The following WDR59 variants were observed in gnomAD, a reference collection of about 807,000 sequenced individuals.
WDR59 encodes the protein WD repeat domain 59.
A neutral mutation model predicts 131.2 loss-of-function variants in WDR59; 100 were observed. The observed-to-expected ratio is 0.76, with a 90% CI of 0.65 to 0.90. The LOEUF (loss-of-function observed/expected upper bound fraction) is 0.90. WDR59 is among the 40% of genes least tolerant of loss of function. The pLI, the probability that WDR59 is intolerant of heterozygous loss-of-function variation, is 0.00. For synonymous variants in WDR59, 601 were observed against 466.2 expected (o/e 1.29, Z -3.72); for missense variants, 1,203 against 1,262.2 (o/e 0.95, Z 0.71).
chr16:74,915,665 C>G, intron 13 of WDR59: 1 of 544,278 alleles, frequency 1.8e-6, no homozygotes, highest in East Asian at 3.6e-5. Flanking sequence ...TTCAAGTGAT[C>G]TGTCCACCTC....
chr16:74,984,714 T>C (rs2034555303), intron 1 of WDR59: 2 of 547,490 alleles, frequency 3.7e-6, no homozygotes, highest in African/African-American at 3.8e-5. Flanking sequence ...TCTGCCTCAG[T>C]GTCACAAGGC....
rs540464194 is a variant in WDR59 at position 74,947,863 on chromosome 16, G to A, written c.445+656C>T. Among the ~76,000 whole-genome samples, 4 of 152,270 alleles carry A rather than the reference G, an allele frequency of 2.6e-5. No homozygotes were observed. In the South Asian group the frequency reaches 8.3e-4, roughly 32 times the overall value. ...AGGCAGGAAGATCACTTGAGGTTAGGAGTTCAAGACCAGCCTGGCCAATAC... is the reference window on the plus strand; with the variant it reads ...AGGCAGGAAGATCACTTGAGGTTAGAAGTTCAAGACCAGCCTGGCCAATAC... On this transcript the variant is annotated intron_variant, in intron 6 of 25. Transcript: ENST00000262144.
intron 2 of WDR59, 85 bp from the exon 3 acceptor site, chr16:74,956,695 C>G: frequency 6.5e-7 from 1 of 1,526,836 alleles, no homozygotes; most frequent in Non-Finnish European, 8.9e-7. Flanking sequence ...GAATTGCATA[C>G]AATTTGCAAG....
At chr16:74,964,270 T>C (rs1031194864) in intron 2 of WDR59, among the ~76,000 whole-genome samples, 1 of 150,950 alleles carries the variant, frequency 6.6e-6, no homozygotes, top group African/African-American at 2.4e-5. Context: ...TCCCAGGTAC[T>C]CGGGAGGCTG....
chr16:74,922,089 T>A lies in WDR59; in HGVS notation c.744A>T (p.Gly248=). The stretch of plus-strand genomic sequence containing the variant: ...GCTGGGGAACCATCACAGTCACCAA[T>A]CCATTGCTGAAAGGCTAAGGCAGGG... ...WKARYTPFSN[G]LVTVMVPQLR... is the part of the protein sequence containing the mutation. Residue 248 remains glycine, a synonymous_variant, in exon 10 of 26, where the codon GGA becomes GGT. Transcript: ENST00000262144. 8 of 1,614,042 alleles carry A rather than the reference T, an allele frequency of 5.0e-6. No homozygotes were observed. Among genetic ancestry groups the A allele is most frequent in the Non-Finnish European group, 6.8e-6 (8 of 1,179,986 alleles).
chr16:74,949,884 G>A, intron 4 of WDR59, 86 bp from the exon 5 acceptor site: 5 of 1,208,852 alleles, frequency 4.1e-6, no homozygotes, highest in Non-Finnish European at 6.0e-6. Context: ...AGTCTCCAGT[G>A]GCTTCAGAAT....
chr16:74,888,265 G>T lies in WDR59; in HGVS notation c.2250C>A (p.Ser750Arg). The stretch of plus-strand genomic sequence containing the variant: ...GAGGCCGAGACTGGGCTTCAAACAC[G>T]CTACAGAGCATCGCCAGTGTCTGAA... ...RDVQTLAMLC[S>R]VFEAQSRPQG... Residue 750 changes from serine (S) to arginine (R), a missense_variant, in exon 22 of 26, where the codon AGC becomes AGA. By Grantham distance (110) the Ser-to-Arg change is moderately radical (BLOSUM62 -1). Transcript: ENST00000262144. 6.2e-7 allele frequency: 1 copy of T among 1,614,024 alleles called. No homozygotes were observed. The highest frequency in any genetic ancestry group is 8.5e-7 in the Non-Finnish European group (1 of 1,179,936).
At chr16:74,953,784 G>A (rs574259665) in intron 3 of WDR59, among the ~76,000 whole-genome samples, 1 of 151,282 alleles carries the variant, frequency 6.6e-6, no homozygotes, top group Middle Eastern at 3.6e-3. Context: ...GGCGGATCAT[G>A]AGGTGAGGAG....
chr16:74,934,857 T>C (rs376608043), intron 8 of WDR59, among the ~76,000 whole-genome samples: 48 of 150,194 alleles, frequency 3.2e-4, no homozygotes, highest in African/African-American at 1.1e-3. Context: ...AGAAGAGCCT[T>C]GGTCAAAAAA....
At position 74,947,754 on chromosome 16, in the gene WDR59, T is replaced by C. The variant is rs150716944; in HGVS notation, c.445+765A>G. Among the ~76,000 whole-genome samples the C allele has an allele frequency of 6.9e-4, 105 of 152,200 alleles. No individual in the cohort carries two copies. The East Asian group carries it at 0.018, about 26-fold the overall frequency. On this transcript the variant is annotated intron_variant, in intron 6 of 25. Transcript: ENST00000262144. ...TACACTGAAATACTTGTTGAAGAAA[T>C]GATAAGATATGTAGCTTCAAAATAA...
rs116306724 is a variant in WDR59, at chr16:74,917,239, G to C, written c.966+690C>G. On this transcript the variant is annotated intron_variant, in intron 11 of 25. Coordinates refer to ENST00000262144, the MANE Select transcript of WDR59 (RefSeq NM_030581.4). ...ATTTATCGGGAAAAAATTACAAACAGCTTCATAAAAGCAGTGTTGCTGATA... is the reference window on the plus strand; with the variant it reads ...ATTTATCGGGAAAAAATTACAAACACCTTCATAAAAGCAGTGTTGCTGATA... Among the ~76,000 whole-genome samples, 1,194 of 152,294 alleles carry C rather than the reference G, an allele frequency of 7.8e-3. 13 individuals carry two copies. Among genetic ancestry groups the C allele is most frequent in the African/African-American group, 0.027 (1,119 of 41,560 alleles).
intron 18 of WDR59, chr16:74,899,592 C>T (rs972096887): frequency 3.3e-5 from 31 of 935,712 alleles, no homozygotes; most frequent in Non-Finnish European, 4.4e-5. Flanking sequence ...GAAAACAGCT[C>T]GCCTGTCATT....
In WDR59 at chr16:74,888,192, G is replaced by T. The variant is rs1567689572; in HGVS notation, c.2323C>A (p.Leu775Ile). 2 of 1,611,638 alleles carry T rather than the reference G, an allele frequency of 1.2e-6. No homozygotes were observed. Among genetic ancestry groups the T allele is most frequent in the Non-Finnish European group, 1.7e-6 (2 of 1,179,470 alleles). Residue 775 changes from leucine (L) to isoleucine (I), a missense_variant, in exon 22 of 26, where the codon CTT (leucine) becomes ATT (isoleucine). Leu to Ile is a conservative substitution (Grantham distance 5). Coordinates refer to ENST00000262144, the MANE Select transcript of WDR59 (RefSeq NM_030581.4). ...ACATATCGACTATGGGACACCACAAGATTAGAAGAACGGTTAGGAAAAGGC... is the reference window on the plus strand; with the variant it reads ...ACATATCGACTATGGGACACCACAATATTAGAAGAACGGTTAGGAAAAGGC... ...FGPFPNRSSN[L>I]VVSHSRYPSF...
chr16:74,937,095 T>A (rs2031860748), intron 8 of WDR59, among the ~76,000 whole-genome samples: 2 of 152,166 alleles, frequency 1.3e-5, no homozygotes, highest in Admixed American at 1.3e-4. Context: ...CAAACCCCTG[T>A]CCTCAGAGAC....
chr16:74,906,342 T>C lies in WDR59; in HGVS notation c.1713-2242A>G, dbSNP rs146738568. On this transcript the variant is annotated intron_variant, in intron 17 of 25. Transcript: ENST00000262144. ...AAAAAAAAAACCCACAGTGAGATAC[T>C]AGGACACTCACAACAGAATGGCTAA... Among the ~76,000 whole-genome samples the C allele has an allele frequency of 2.0e-3, 174 of 87,002 alleles. 1 individual carries two copies. The highest frequency in any genetic ancestry group is 7.8e-3 in the African/African-American group (168 of 21,510). The allele number at this position is 87,002 out of a possible 152,430, so 57.1% of individuals were successfully genotyped here.
In WDR59 at chr16:74,874,027, G is replaced by C. The variant is rs920339672; in HGVS notation, c.*182C>G. ...CTTCACACAGTGACATCCACACCAG[G>C]TGGCCAAACAGAAGAGAAGGCAGAG... On this transcript the variant is annotated 3_prime_UTR_variant, in exon 26 of 26. Transcript: ENST00000262144. 1.7e-6 allele frequency: 1 copy of C among 599,524 alleles called. No homozygotes were observed. Among genetic ancestry groups the C allele is most frequent in the African/African-American group, 1.9e-5 (1 of 53,818 alleles). 37.1% of individuals were successfully genotyped at this position (599,524 alleles called of 1,614,324 possible). A position where few individuals can be genotyped will look rare whatever the true frequency, so the allele number is the denominator to read the frequency against.
intron 2 of WDR59, among the ~76,000 whole-genome samples, chr16:74,957,081 CTTTTTT>C (rs34834142): frequency 8.1e-6 from 1 of 123,946 alleles, no homozygotes; most frequent in Non-Finnish European, 1.7e-5. Context: ...CTTTTTTTTT[CTTTTTT>C]TTTTTTTTTT....
chr16:74,942,328 T>C (rs952058045), intron 7 of WDR59, among the ~76,000 whole-genome samples: 1 of 152,026 alleles, frequency 6.6e-6, no homozygotes, highest in Non-Finnish European at 1.5e-5. Flanking sequence ...CGAGAACAAA[T>C]ACATTTCACT....
At chr16:74,896,355 T>G (rs576971362) in intron 18 of WDR59, among the ~76,000 whole-genome samples, 11 of 152,178 alleles carry the variant, frequency 7.2e-5, no homozygotes, top group Middle Eastern at 3.4e-3. Context: ...ATGGGCCAAG[T>G]GCAGTGGCTC....
Sources: allele counts gnomAD v4.1 joint callset (sites outside exome capture counted in the v4.1 genomes callset), GRCh38; gene constraint gnomAD v4.1.1; transcripts MANE v1.5; gene names NCBI Gene and HGNC (gene_info 2026-07-23, HGNC 2026-07-21).